The following CFAP299 variants were observed in gnomAD, a reference collection of about 807,000 sequenced individuals.
CFAP299 encodes cilia- and flagella-associated protein 299.
Under a neutral mutation model 27.0 loss-of-function variants are expected in CFAP299, and 21 were observed. The observed-to-expected ratio is 0.78, with a 90% confidence interval of 0.55 to 1.12. CFAP299 has a LOEUF of 1.12. Ranked by LOEUF, CFAP299 falls within the 50% of genes most tolerant of loss-of-function variation. CFAP299 has a pLI of 0.00. For synonymous variants in CFAP299, 104 were observed against 98.1 expected (o/e 1.06, Z -0.36); for missense variants, 310 against 276.6 (o/e 1.12, Z -0.86).
chr4:80,729,427 G>C (rs1319537029), intron 3 of CFAP299, among the ~76,000 whole-genome samples: 1 of 152,028 alleles, frequency 6.6e-6, no homozygotes, highest in African/African-American at 2.4e-5. Context: ...TAGATTATGG[G>C]AGAAATAATG....
At chr4:80,489,006 G>A (rs1730979150) in intron 2 of CFAP299, among the ~76,000 whole-genome samples, 4 of 152,140 alleles carry the variant, frequency 2.6e-5, no homozygotes, top group Admixed American at 2.6e-4. Flanking sequence ...CTTTAGTGTT[G>A]TCTGAAACAA....
intron 3 of CFAP299, among the ~76,000 whole-genome samples, chr4:80,857,577 C>T (rs1044558716): frequency 1.3e-5 from 2 of 152,146 alleles, no homozygotes; most frequent in Admixed American, 1.3e-4. Flanking sequence ...TGAGATACAT[C>T]CCATCAATAC....
At chr4:80,498,833 T>C (rs1418540662) in intron 2 of CFAP299, among the ~76,000 whole-genome samples, 1 of 152,130 alleles carries the variant, frequency 6.6e-6, no homozygotes, top group Non-Finnish European at 1.5e-5. Flanking sequence ...AACATATACA[T>C]GGAATCAATC....
At chr4:80,605,478 G>A (rs1244620666) in intron 3 of CFAP299, among the ~76,000 whole-genome samples, 1 of 152,102 alleles carries the variant, frequency 6.6e-6, no homozygotes, top group Non-Finnish European at 1.5e-5. Flanking sequence ...TAGCCAAGAG[G>A]AAATGGCATT....
At chr4:80,704,170 A>G (rs905952344) in intron 3 of CFAP299, among the ~76,000 whole-genome samples, 1 of 151,656 alleles carries the variant, frequency 6.6e-6, no homozygotes, top group African/African-American at 2.4e-5. Flanking sequence ...TGTATTTAGA[A>G]TCCAGGTGGC....
intron 2 of CFAP299, among the ~76,000 whole-genome samples, chr4:80,383,758 A>G (rs1724828953): frequency 6.6e-6 from 1 of 152,174 alleles, no homozygotes; most frequent in African/African-American, 2.4e-5. Context: ...TTGTTAAGCA[A>G]CTATATTGAG....
At chr4:80,393,668 T>C (rs1725620092) in intron 2 of CFAP299, among the ~76,000 whole-genome samples, 1 of 152,178 alleles carries the variant, frequency 6.6e-6, no homozygotes, top group Non-Finnish European at 1.5e-5. Context: ...CTATACCATA[T>C]AGTTTAGGTG....
At chr4:80,485,303 AAAG>A (rs1357423081) in intron 2 of CFAP299, among the ~76,000 whole-genome samples, 1 of 150,604 alleles carries the variant, frequency 6.6e-6, no homozygotes, top group African/African-American at 2.4e-5. Context: ...TTGAACTATA[AAAG>A]AAGAAGCAAT....
At chr4:80,430,928 G>T (rs1330690636) in intron 2 of CFAP299, among the ~76,000 whole-genome samples, 1 of 151,858 alleles carries the variant, frequency 6.6e-6, no homozygotes, top group East Asian at 1.9e-4. Flanking sequence ...GCCTTTTTTT[G>T]TGGGAACCTT....
At chr4:80,878,923 C>T (rs1733551880) in intron 4 of CFAP299, among the ~76,000 whole-genome samples, 2 of 152,076 alleles carry the variant, frequency 1.3e-5, no homozygotes, top group South Asian at 4.1e-4. Context: ...TTTTCAAACC[C>T]ATTATTTCCA....
chr4:80,878,521 C>T (rs1578206844), intron 4 of CFAP299, among the ~76,000 whole-genome samples: 1 of 152,212 alleles, frequency 6.6e-6, no homozygotes, highest in East Asian at 1.9e-4. Context: ...CTTGCTATAT[C>T]ATTCCTCTAA....
intron 3 of CFAP299, among the ~76,000 whole-genome samples, chr4:80,799,866 A>AT (rs1728269976): frequency 3.2e-5 from 1 of 31,604 alleles, no homozygotes; most frequent in African/African-American, 1.6e-4. Flanking sequence ...AATATATATT[A>AT]TATATATTAT....
intron 3 of CFAP299, among the ~76,000 whole-genome samples, chr4:80,789,078 C>G (rs1290755940): frequency 6.6e-6 from 1 of 152,034 alleles, no homozygotes. Context: ...TTTTTCCATA[C>G]ACAGATTATA....
chr4:80,834,754 C>T (rs1186485242), intron 3 of CFAP299, among the ~76,000 whole-genome samples: 1 of 152,168 alleles, frequency 6.6e-6, no homozygotes, highest in Non-Finnish European at 1.5e-5. Context: ...TCACATATAG[C>T]AGGATCCAAA....
chr4:80,693,543 G>C (rs1279156985), intron 3 of CFAP299, among the ~76,000 whole-genome samples: 1 of 133,820 alleles, frequency 7.5e-6, no homozygotes, highest in Non-Finnish European at 1.6e-5. Flanking sequence ...TCTGGGGACT[G>C]TGGTGGGGTG....
intron 3 of CFAP299, among the ~76,000 whole-genome samples, chr4:80,857,196 C>T (rs1407694632): frequency 6.6e-6 from 1 of 152,116 alleles, no homozygotes; most frequent in Non-Finnish European, 1.5e-5. Flanking sequence ...CATGATTTGG[C>T]TCTCTGTTTC....
At chr4:80,945,175 AACACTT>A (rs1428088903) in intron 5 of CFAP299, among the ~76,000 whole-genome samples, 1 of 152,218 alleles carries the variant, frequency 6.6e-6, no homozygotes, top group Non-Finnish European at 1.5e-5. Context: ...CACAAGTGGA[AACACTT>A]CTCCATGCCT....
At chr4:80,582,662 C>T (rs1736230786) in intron 2 of CFAP299, among the ~76,000 whole-genome samples, 1 of 151,828 alleles carries the variant, frequency 6.6e-6, no homozygotes, top group South Asian at 2.1e-4. Context: ...TATCTCTACT[C>T]ATAGAGCTAA....
chr4:80,432,787 G>C (rs1351864515), intron 2 of CFAP299, among the ~76,000 whole-genome samples: 4 of 151,952 alleles, frequency 2.6e-5, no homozygotes, highest in African/African-American at 9.7e-5. Flanking sequence ...CTCCCAAAGT[G>C]CTGGGATTAC....
Sources: gnomAD v4.1 joint callset for allele counts (sites outside exome capture counted in the v4.1 genomes callset) on GRCh38, gnomAD v4.1.1 for gene constraint, MANE v1.5 for transcripts, NCBI Gene and HGNC (gene_info 2026-07-23, HGNC 2026-07-21) for gene names.